UGGT1: variants seen among roughly 807,000 people sequenced by gnomAD.
The protein encoded by UGGT1 is UDP-glucose:glycoprotein glucosyltransferase 1.
Under a neutral mutation model 203.9 loss-of-function variants are expected in UGGT1, and 107 were observed. The ratio of observed to expected loss-of-function variants is 0.52; its 90% CI spans 0.45 to 0.62. UGGT1 has a LOEUF of 0.62. Among genes scored for constraint, UGGT1 ranks in the 20% least tolerant of loss-of-function variants. The pLI, the probability that UGGT1 is intolerant of heterozygous loss-of-function variation, is 0.00. For missense variants in UGGT1, 1,673 were observed against 1,867.2 expected (o/e 0.90, Z 1.92); for synonymous variants, 628 against 653.5 (o/e 0.96, Z 0.59).
chr2:128,160,109 T>C (rs891952350), intron 23 of UGGT1, among the ~76,000 whole-genome samples: 1 of 152,288 alleles, frequency 6.6e-6, no homozygotes, highest in Middle Eastern at 3.4e-3. Context: ...TTTGACACAG[T>C]TTTGTAGTTT....
intron 3 of UGGT1, among the ~76,000 whole-genome samples, chr2:128,105,985 G>A (rs1014860728): frequency 6.6e-6 from 1 of 152,108 alleles, no homozygotes; most frequent in Non-Finnish European, 1.5e-5. Context: ...TTGTAAAGAT[G>A]GGTCTAGCTG....
chr2:128,189,667 G>A, intron 40 of UGGT1, 50 bp from the exon 41 acceptor site: 3 of 1,590,416 alleles, frequency 1.9e-6, no homozygotes, highest in Admixed American at 1.7e-5. Context: ...AGTGGTGTTT[G>A]TAATTTGAAG....
At chr2:128,130,749 C>T (rs1163275104) in intron 13 of UGGT1, among the ~76,000 whole-genome samples, 3 of 152,052 alleles carry the variant, frequency 2.0e-5, no homozygotes, top group Non-Finnish European at 2.9e-5. Flanking sequence ...ATTCCCTTGT[C>T]CCTTATTTTA....
intron 6 of UGGT1, 25 bp from the exon 7 acceptor site, chr2:128,115,099 G>A: frequency 6.2e-7 from 1 of 1,608,218 alleles, no homozygotes; most frequent in Non-Finnish European, 8.5e-7. Flanking sequence ...AGGTGGTAAT[G>A]ATGGAATTCT....
rs1691799772 is a variant in UGGT1, at chr2:128,183,264, G to A, written c.4245-411G>A. 3.3e-5 allele frequency among the ~76,000 whole-genome samples: 5 copies of A among 152,176 alleles called. No homozygotes were observed. The South Asian group carries it at 1.0e-3, about 31-fold the overall frequency. ...TCACTGCTGGGGTTTAGTGATGGTG[G>A]CTTCATTCTTTACATTCCTGGTCCA... On this transcript the variant is annotated intron_variant, in intron 37 of 40. Transcript: ENST00000259253.
chr2:128,195,491 T>C lies in UGGT1; in HGVS notation c.*5749T>C, dbSNP rs963065948. The C allele has an allele frequency of 6.6e-6, 1 of 152,228 alleles. No homozygotes were observed. Among genetic ancestry groups the C allele is most frequent in the Non-Finnish European group, 1.5e-5 (1 of 68,044 alleles). The allele number at this position is 152,228 out of a possible 1,614,324, so 9.4% of individuals were successfully genotyped here. On this transcript the variant is annotated 3_prime_UTR_variant, in exon 41 of 41. Coordinates refer to ENST00000259253, the MANE Select transcript of UGGT1 (RefSeq NM_020120.4). ...AAATCTTCTTTATGAATATCCAATG[T>C]TACTGTAATCCTGCTCCATTAAATG...
chr2:128,178,671 T>A, intron 34 of UGGT1, 102 bp downstream of exon 34: 1 of 994,478 alleles, frequency 1.0e-6, no homozygotes, highest in Non-Finnish European at 1.5e-6. Context: ...TATACTCCTG[T>A]GTCTTTGAAG....
chr2:128,126,036 G>A (rs1270608820), intron 11 of UGGT1, among the ~76,000 whole-genome samples: 8 of 150,530 alleles, frequency 5.3e-5, no homozygotes, highest in African/African-American at 1.2e-4. Context: ...TTCGCCTCCC[G>A]GTTCAAGTGA....
intron 23 of UGGT1, 113 bp from the exon 24 acceptor site, chr2:128,160,347 T>G: frequency 8.9e-7 from 1 of 1,129,428 alleles, no homozygotes; most frequent in Non-Finnish European, 1.2e-6. Flanking sequence ...ATTATGAAAA[T>G]TAGTTATTAC....
In UGGT1 at chr2:128,121,232, C is replaced by T; in HGVS notation, c.1007C>T (p.Ala336Val). Residue 336 changes from alanine (A) to valine (V), a missense_variant, in exon 10 of 41, where the codon GCT becomes GTT. This residue lies in a region of UGGT1 where 1,073 missense variants were observed against 1,078.7 expected (regional missense o/e 0.99). Transcript: ENST00000259253. ...LSFQTAARIL[A>V]SPVELALVVM... Reference sequence around the variant, plus strand: ...TTCCAGACTGCTGCTCGAATCTTGGCTTCTCCTGTTGAGTTGGCTTTGGTT... The same window carrying T: ...TTCCAGACTGCTGCTCGAATCTTGGTTTCTCCTGTTGAGTTGGCTTTGGTT... The T allele has an allele frequency of 1.2e-6, 2 of 1,613,878 alleles. No homozygotes were observed. The highest frequency in any genetic ancestry group is 2.2e-5 in the South Asian group (2 of 91,010).
At chr2:128,112,061 C>T (rs887404380) in intron 5 of UGGT1, among the ~76,000 whole-genome samples, 3 of 151,262 alleles carry the variant, frequency 2.0e-5, no homozygotes, top group African/African-American at 7.3e-5. Flanking sequence ...GTGAGCTGAG[C>T]GATCACGCGA....
chr2:128,151,473 A>G (rs761726022), intron 18 of UGGT1, among the ~76,000 whole-genome samples: 10 of 152,222 alleles, frequency 6.6e-5, no homozygotes, highest in Non-Finnish European at 1.2e-4. Context: ...ACATGGGCCA[A>G]CATGTACAGT....
chr2:128,093,714 G>A (rs927273186), intron 1 of UGGT1, among the ~76,000 whole-genome samples: 23 of 152,282 alleles, frequency 1.5e-4, no homozygotes, highest in African/African-American at 5.5e-4. Flanking sequence ...AGAGAGCACG[G>A]TATTGTAGAA....
chr2:128,125,022 T>G (rs1055259203), intron 11 of UGGT1, among the ~76,000 whole-genome samples: 10 of 152,192 alleles, frequency 6.6e-5, no homozygotes, highest in Non-Finnish European at 1.3e-4. Flanking sequence ...GGAACCCCAG[T>G]TACAGTATCT....
chr2:128,167,528 C>A (rs1314866211), intron 26 of UGGT1, among the ~76,000 whole-genome samples: 1 of 152,190 alleles, frequency 6.6e-6, no homozygotes, highest in African/African-American at 2.4e-5. Flanking sequence ...TTTGGACCCA[C>A]CCCAGTCCTG....
intron 10 of UGGT1, among the ~76,000 whole-genome samples, chr2:128,121,522 C>T (rs1573528303): frequency 6.6e-6 from 1 of 151,514 alleles, no homozygotes; most frequent in East Asian, 1.9e-4. Flanking sequence ...TCTCCTGCCT[C>T]AGCCTCCCAA....
intron 40 of UGGT1, 78 bp from the exon 41 acceptor site, chr2:128,189,639 G>A (rs1220463432): frequency 1.4e-6 from 2 of 1,455,012 alleles, no homozygotes; most frequent in African/African-American, 2.8e-5. Flanking sequence ...AGGTTCCAGT[G>A]ATGAAAAATG....
In UGGT1 at chr2:128,192,336, A is replaced by G. The variant is rs1174048194; in HGVS notation, c.*2594A>G. On this transcript the variant is annotated 3_prime_UTR_variant, in exon 41 of 41. Coordinates refer to ENST00000259253, the MANE Select transcript of UGGT1 (RefSeq NM_020120.4). ...AATTAACCAAATGCCCCAGAAAATGATGTTACCACTAAAATATTTTCTCCA... is the reference window on the plus strand; with the variant it reads ...AATTAACCAAATGCCCCAGAAAATGGTGTTACCACTAAAATATTTTCTCCA... The G allele has an allele frequency of 6.6e-6, 1 of 151,158 alleles. No homozygotes were observed. The highest frequency in any genetic ancestry group is 2.1e-4 in the South Asian group (1 of 4,800). 9.4% of individuals were successfully genotyped at this position (151,158 alleles called of 1,614,324 possible).
intron 26 of UGGT1, among the ~76,000 whole-genome samples, chr2:128,168,749 T>A (rs552128267): frequency 1.3e-5 from 2 of 152,236 alleles, no homozygotes; most frequent in Admixed American, 6.5e-5. Context: ...ACCATTCAGT[T>A]AAGAACAGAC....
Sources: allele counts gnomAD v4.1 joint callset (sites outside exome capture counted in the v4.1 genomes callset), GRCh38; gene constraint gnomAD v4.1.1; regional missense constraint gnomAD v4.1.1; transcripts MANE v1.5; gene names NCBI Gene and HGNC (gene_info 2026-07-23, HGNC 2026-07-21).